Variants in NDRG1 observed in about 807,000 individuals in gnomAD.
NDRG1 encodes N-myc downstream regulated 1.
In NDRG1, 32 loss-of-function variants were observed where a neutral mutation model predicts 56.9. The ratio of observed to expected loss-of-function variants is 0.56; its 90% confidence interval spans 0.42 to 0.76. The LOEUF is 0.76. NDRG1 is among the 30% of genes least tolerant of loss of function. The pLI is 0.00. For missense variants in NDRG1, 507 were observed against 545.7 expected, an observed-to-expected ratio of 0.93 and a Z score of 0.71; for synonymous variants, 211 against 204.1, an observed-to-expected ratio of 1.03 and a Z score of -0.29.
At chr8:133,264,464 G>A (rs1160124451) in intron 4 of NDRG1, 83 bp downstream of exon 4, 8 of 1,251,874 alleles carry the variant, frequency 6.4e-6, no homozygotes, top group Non-Finnish European at 9.4e-6. Flanking sequence ...ACCAGCTCCC[G>A]GCCATCAGCC....
At chr8:133,291,867 G>C (rs879909242) in intron 1 of NDRG1, among the ~76,000 whole-genome samples, 3 of 152,160 alleles carry the variant, frequency 2.0e-5, no homozygotes, top group Non-Finnish European at 2.9e-5. Context: ...GGGTCCAGAG[G>C]GGCTGGAGCT....
At chr8:133,262,361 C>A in intron 4 of NDRG1, 194 bp from the exon 5 acceptor site, 1 of 647,844 alleles carries the variant, frequency 1.5e-6, no homozygotes, top group South Asian at 1.9e-5. Context: ...TGATAAAAAG[C>A]AAGAGTAAGT....
At chr8:133,293,530 A>C (rs1293902930) in intron 1 of NDRG1, among the ~76,000 whole-genome samples, 1 of 152,224 alleles carries the variant, frequency 6.6e-6, no homozygotes, top group Non-Finnish European at 1.5e-5. Flanking sequence ...CTTCTACCTC[A>C]GTTAGCTGAT....
At chr8:133,248,049 T>C in intron 11 of NDRG1, 123 bp from the exon 12 acceptor site, 1 of 893,986 alleles carries the variant, frequency 1.1e-6, no homozygotes, top group South Asian at 1.3e-5. Flanking sequence ...CCCAACACCC[T>C]TTGCTCTTTT....
intron 9 of NDRG1, among the ~76,000 whole-genome samples, chr8:133,250,962 T>C (rs1488591377): frequency 6.6e-6 from 1 of 151,252 alleles, no homozygotes; most frequent in South Asian, 2.1e-4. Context: ...CTTCACTAGG[T>C]TGTAGGACTT....
At chr8:133,239,257 G>C in intron 15 of NDRG1, 138 bp from the exon 16 acceptor site, 2 of 1,385,952 alleles carry the variant, frequency 1.4e-6, no homozygotes, top group Non-Finnish European at 2.0e-6. Flanking sequence ...CCAGCTGCTG[G>C]GCCCCCGTCC....
chr8:133,286,993 T>A (rs1182683021), intron 1 of NDRG1, among the ~76,000 whole-genome samples: 2 of 152,122 alleles, frequency 1.3e-5, no homozygotes, highest in Non-Finnish European at 2.9e-5. Context: ...CGGTCCACCA[T>A]CTGGCCAGCC....
At chr8:133,267,600 A>C (rs1404370050) in intron 3 of NDRG1, among the ~76,000 whole-genome samples, 1 of 152,212 alleles carries the variant, frequency 6.6e-6, no homozygotes, top group Non-Finnish European at 1.5e-5. Flanking sequence ...TGCTGGGCCC[A>C]GCCCAGCCCT....
chr8:133,268,277 T>C (rs1287189878), intron 3 of NDRG1, among the ~76,000 whole-genome samples: 2 of 152,138 alleles, frequency 1.3e-5, no homozygotes, highest in African/African-American at 4.8e-5. Flanking sequence ...CCCACTCTGC[T>C]CTTGGATTGG....
intron 1 of NDRG1, among the ~76,000 whole-genome samples, chr8:133,286,139 C>T (rs1858102347): frequency 6.6e-6 from 1 of 152,242 alleles, no homozygotes; most frequent in African/African-American, 2.4e-5. Flanking sequence ...GTTCTTTTCT[C>T]TACCTCTAGC....
intron 2 of NDRG1, among the ~76,000 whole-genome samples, chr8:133,281,223 G>A (rs1415219953): frequency 6.6e-6 from 1 of 152,090 alleles, no homozygotes; most frequent in East Asian, 1.9e-4. Flanking sequence ...CAGGCATGAT[G>A]GCGCATGCCT....
chr8:133,274,183 G>C (rs1207348011), intron 3 of NDRG1, among the ~76,000 whole-genome samples: 1 of 152,232 alleles, frequency 6.6e-6, no homozygotes, highest in Non-Finnish European at 1.5e-5. Context: ...CAGTGATGGA[G>C]AGATAAGGCC....
At chr8:133,255,455 T>G in intron 8 of NDRG1, 1 of 448,874 alleles carries the variant, frequency 2.2e-6, no homozygotes, top group South Asian at 1.6e-5. Flanking sequence ...CTGAAGGGAA[T>G]AGTACAGCTA....
At chr8:133,293,027 C>G (rs570093622) in intron 1 of NDRG1, among the ~76,000 whole-genome samples, 1 of 152,212 alleles carries the variant, frequency 6.6e-6, no homozygotes, top group Non-Finnish European at 1.5e-5. Context: ...ATTGTGTAAT[C>G]CATTCCCATT....
At chr8:133,296,430 G>A in intron 1 of NDRG1, 1 of 454,962 alleles carries the variant, frequency 2.2e-6, no homozygotes, top group East Asian at 7.0e-5. Flanking sequence ...GGCGCTCGCA[G>A]ACACTTGCTC....
chr8:133,258,649 C>T (rs1157920951), intron 6 of NDRG1, among the ~76,000 whole-genome samples: 1 of 152,206 alleles, frequency 6.6e-6, no homozygotes, highest in Non-Finnish European at 1.5e-5. Context: ...TGGCCGCCAC[C>T]CAGGCTCTGA....
chr8:133,246,131 T>C (rs1855665028), intron 13 of NDRG1, among the ~76,000 whole-genome samples: 1 of 152,248 alleles, frequency 6.6e-6, no homozygotes, highest in South Asian at 2.1e-4. Flanking sequence ...AGCCAGTGGT[T>C]TGCATTGTGC....
chr8:133,248,640 A>C (rs1250624184), intron 11 of NDRG1, 75 bp downstream of exon 11: 2 of 1,504,076 alleles, frequency 1.3e-6, no homozygotes, highest in South Asian at 1.1e-5. Flanking sequence ...CTCAGAAAGA[A>C]GGCCCTGCCA....
At chr8:133,284,728 A>C (rs749833504) in intron 1 of NDRG1, 1 of 460,384 alleles carries the variant, frequency 2.2e-6, no homozygotes, top group South Asian at 1.6e-5. Context: ...TGACAATGAA[A>C]GGGGAACACA....
Sources: allele counts gnomAD v4.1 joint callset (sites outside exome capture counted in the v4.1 genomes callset), GRCh38; gene constraint gnomAD v4.1.1; transcripts MANE v1.5; gene names NCBI Gene and HGNC (gene_info 2026-07-23, HGNC 2026-07-21).